PSEN1: variants seen among roughly 807,000 people sequenced by gnomAD.
The protein encoded by PSEN1 is presenilin-1.
A neutral mutation model predicts 53.5 loss-of-function variants in PSEN1; 15 were observed. The observed-to-expected ratio is 0.28, with a 90% CI of 0.19 to 0.43. PSEN1 has a LOEUF of 0.43. PSEN1 is among the 20% of genes least tolerant of loss of function. The probability of loss-of-function intolerance (pLI) is 1.00; values close to 1 mark genes in which losing one functional copy is unlikely to be tolerated. For synonymous variants in PSEN1, 208 were observed against 209.8 expected, an observed-to-expected ratio of 0.99 and a Z score of 0.08; for missense variants, 387 against 571.2, an observed-to-expected ratio of 0.68 and a Z score of 3.29.
At chr14:73,202,492 T>G (rs1269011536) in intron 8 of PSEN1, among the ~76,000 whole-genome samples, 1 of 93,028 alleles carries the variant, frequency 1.1e-5, no homozygotes, top group Non-Finnish European at 2.2e-5. Context: ...TTTTTTTTTT[T>G]GAGACAGTCT....
chr14:73,219,652 G>A lies in PSEN1; in HGVS notation c.*363G>A, dbSNP rs113991031. On this transcript the variant is annotated 3_prime_UTR_variant, in exon 12 of 12. Coordinates refer to ENST00000324501, the MANE Select transcript of PSEN1 (RefSeq NM_000021.4). ...GACACTGCGAACTCTCAGGACTACCGTTACCAAGAGGTTAGGTGAAGTGGT... is the reference window on the plus strand; with the variant it reads ...GACACTGCGAACTCTCAGGACTACCATTACCAAGAGGTTAGGTGAAGTGGT... 1.5e-4 allele frequency: 48 copies of A among 324,664 alleles called. No homozygotes were observed. Among genetic ancestry groups the A allele is most frequent in the African/African-American group, 8.8e-4 (41 of 46,816 alleles). The allele number at this position is 324,664 out of a possible 1,614,324, so 20.1% of individuals were successfully genotyped here.
At chr14:73,138,257 C>T (rs1248320921) in intron 1 of PSEN1, 6 of 151,602 alleles carry the variant, frequency 4.0e-5, no homozygotes, top group Admixed American at 2.0e-4. Context: ...CTGGCTCTGT[C>T]GCCCAGGCTG....
intron 11 of PSEN1, among the ~76,000 whole-genome samples, 157 bp from the exon 12 acceptor site, chr14:73,218,977 T>C (rs1289157709): frequency 6.6e-6 from 1 of 152,208 alleles, no homozygotes. Context: ...TTTTCATAGC[T>C]CTTCTTCCAG....
intron 5 of PSEN1, among the ~76,000 whole-genome samples, chr14:73,180,596 C>T (rs1454216421): frequency 6.6e-6 from 1 of 152,168 alleles, no homozygotes; most frequent in Admixed American, 6.5e-5. Context: ...ACAGGAAAGG[C>T]AGTTAATTAT....
intron 5 of PSEN1, among the ~76,000 whole-genome samples, chr14:73,184,964 G>C (rs1435739551): frequency 2.0e-3 from 300 of 151,076 alleles, no homozygotes; most frequent in Admixed American, 3.5e-3. Context: ...TCACATCCCA[G>C]ACGGGGCGGC....
rs1900066107 is a variant in PSEN1 at position 73,219,592 on chromosome 14, A to G, written c.*303A>G. ...GGCCCGGAAGTTGCTGTGCCCCATCAGCAGCTTGACGCGTGGTCACAGGAC... is the reference window on the plus strand; with the variant it reads ...GGCCCGGAAGTTGCTGTGCCCCATCGGCAGCTTGACGCGTGGTCACAGGAC... On this transcript the variant is annotated 3_prime_UTR_variant, in exon 12 of 12. Coordinates refer to ENST00000324501, the MANE Select transcript of PSEN1 (RefSeq NM_000021.4). 2.5e-6 allele frequency: 1 copy of G among 407,094 alleles called. No individual in the cohort carries two copies. The highest frequency in any genetic ancestry group is 4.6e-6 in the Non-Finnish European group (1 of 216,732). 25.2% of individuals were successfully genotyped at this position (407,094 alleles called of 1,614,324 possible).
chr14:73,154,570 C>T (rs766384019), intron 3 of PSEN1, among the ~76,000 whole-genome samples: 8 of 152,082 alleles, frequency 5.3e-5, no homozygotes, highest in Non-Finnish European at 1.0e-4. Flanking sequence ...CACTGCACTT[C>T]AACCTGGGCA....
intron 6 of PSEN1, among the ~76,000 whole-genome samples, chr14:73,191,222 G>A (rs1168440945): frequency 1.3e-5 from 2 of 152,242 alleles, no homozygotes; most frequent in East Asian, 3.9e-4. Context: ...GATAAGTCCT[G>A]TCATCCTTTC....
At position 73,148,048 on chromosome 14, in the gene PSEN1, A is replaced by G; in HGVS notation, c.29A>G (p.Tyr10Cys). The change falls in exon 3 of 12, where the codon TAC (tyrosine) becomes TGC (cysteine). Residue 10 changes from tyrosine (Y) to cysteine (C), a missense_variant. By Grantham distance (194) the Tyr-to-Cys change is radical. Transcript: ENST00000324501. The stretch of plus-strand genomic sequence containing the variant: ...ACAGAGTTACCTGCACCGTTGTCCT[A>G]CTTCCAGAATGCACAGATGTCTGAG... MTELPAPLS[Y>C]FQNAQMSEDN... is the part of the protein sequence containing the mutation. 1 of 1,613,864 alleles carries G rather than the reference A, an allele frequency of 6.2e-7. No individual in the cohort carries two copies. Among genetic ancestry groups the G allele is most frequent in the East Asian group, 2.2e-5 (1 of 44,898 alleles).
intron 11 of PSEN1, 91 bp from the exon 12 acceptor site, chr14:73,219,043 T>A: frequency 5.9e-6 from 8 of 1,346,460 alleles, no homozygotes; most frequent in Non-Finnish European, 8.5e-6. Context: ...TTCAGTTAAC[T>A]ATGTTAAAAA....
At chr14:73,138,776 G>A (rs901438483) in intron 1 of PSEN1, among the ~76,000 whole-genome samples, 62 of 146,744 alleles carry the variant, frequency 4.2e-4, no homozygotes, top group Non-Finnish European at 2.7e-4. Flanking sequence ...TGGCTAACAC[G>A]GTGAAACCCC....
chr14:73,177,395 T>G (rs934601922), intron 5 of PSEN1, among the ~76,000 whole-genome samples: 18 of 149,696 alleles, frequency 1.2e-4, no homozygotes, highest in South Asian at 2.1e-4. Context: ...GTGTGTGTGT[T>G]TTTGTTTTTG....
At chr14:73,174,164 A>G (rs1218655890) in intron 5 of PSEN1, 1 of 190,236 alleles carries the variant, frequency 5.3e-6, no homozygotes, top group Non-Finnish European at 1.1e-5. Context: ...AAAGCAGAAA[A>G]CAAAAAAAGT....
chr14:73,154,538 C>T (rs2139993575), intron 3 of PSEN1, among the ~76,000 whole-genome samples: 1 of 152,176 alleles, frequency 6.6e-6, no homozygotes, highest in South Asian at 2.1e-4. Context: ...GAGGTCGAGG[C>T]TGCAGTGAGC....
At chr14:73,172,983 CCTTA>C (rs1566630493) in intron 4 of PSEN1, among the ~76,000 whole-genome samples, 1 of 152,140 alleles carries the variant, frequency 6.6e-6, no homozygotes, top group Non-Finnish European at 1.5e-5. Context: ...AAGTCATTGC[CCTTA>C]CTTGTTCTCA....
At chr14:73,173,889 G>A in intron 5 of PSEN1, 182 bp downstream of exon 5, 1 of 763,042 alleles carries the variant, frequency 1.3e-6, no homozygotes, top group Non-Finnish European at 2.2e-6. Context: ...GAAGCCAGGT[G>A]CATGTGTAAT....
intron 4 of PSEN1, among the ~76,000 whole-genome samples, chr14:73,173,013 T>C (rs1421840282): frequency 6.6e-6 from 1 of 152,154 alleles, no homozygotes; most frequent in Non-Finnish European, 1.5e-5. Flanking sequence ...ATCCTAAATA[T>C]AAGGGAGTCA....
At chr14:73,151,580 TA>T (rs1315749125) in intron 3 of PSEN1, among the ~76,000 whole-genome samples, 1 of 152,066 alleles carries the variant, frequency 6.6e-6, no homozygotes, top group African/African-American at 2.4e-5. Flanking sequence ...TTTGAAAAAG[TA>T]ATCTCACGCT....
At chr14:73,174,017 AT>A in intron 5 of PSEN1, 1 of 543,336 alleles carries the variant, frequency 1.8e-6, no homozygotes, top group East Asian at 3.0e-5. Flanking sequence ...TATTGGAAGT[AT>A]TTTATATGCA....
Sources: allele counts gnomAD v4.1 joint callset (sites outside exome capture counted in the v4.1 genomes callset), GRCh38; gene constraint gnomAD v4.1.1; transcripts MANE v1.5; gene names NCBI Gene and HGNC (gene_info 2026-07-23, HGNC 2026-07-21).